Variants in KATNAL1 observed in about 807,000 individuals in gnomAD.
KATNAL1 encodes katanin p60 ATPase-containing subunit A-like 1.
In KATNAL1, 32 loss-of-function variants were observed where a neutral mutation model predicts 55.2. The ratio of observed to expected loss-of-function variants is 0.58; its 90% CI spans 0.44 to 0.78. The LOEUF (loss-of-function observed/expected upper bound fraction) is 0.78. Ranked by LOEUF, KATNAL1 falls within the 30% of genes least tolerant of loss-of-function variation. The probability of loss-of-function intolerance (pLI) is 0.00; values close to 1 mark genes in which losing one functional copy is unlikely to be tolerated. For missense variants in KATNAL1, 466 were observed against 600.9 expected, an observed-to-expected ratio of 0.78 and a Z score of 2.35; for synonymous variants, 193 against 193.6, an observed-to-expected ratio of 1.00 and a Z score of 0.02.
At chr13:30,298,417 T>G (rs989472509) in intron 1 of KATNAL1, among the ~76,000 whole-genome samples, 1 of 152,146 alleles carries the variant, frequency 6.6e-6, no homozygotes, top group Non-Finnish European at 1.5e-5. Flanking sequence ...CAGTTCTCCA[T>G]AGCGCACTTC....
intron 6 of KATNAL1, among the ~76,000 whole-genome samples, chr13:30,236,336 T>G (rs1876679990): frequency 6.6e-6 from 1 of 152,176 alleles, no homozygotes. Context: ...TGTGGAAAAC[T>G]GTGCTCTCAA....
intron 3 of KATNAL1, among the ~76,000 whole-genome samples, chr13:30,267,996 G>A (rs966145828): frequency 1.3e-5 from 2 of 152,182 alleles, no homozygotes; most frequent in African/African-American, 4.8e-5. Context: ...TTTAAAGACA[G>A]AAGAAATAAA....
intron 1 of KATNAL1, among the ~76,000 whole-genome samples, chr13:30,299,646 A>C (rs1882740739): frequency 6.6e-6 from 1 of 152,330 alleles, no homozygotes; most frequent in South Asian, 2.1e-4. Flanking sequence ...TATTTTAGCA[A>C]TGTCTAATAT....
intron 1 of KATNAL1, among the ~76,000 whole-genome samples, chr13:30,285,154 A>G (rs939634296): frequency 2.6e-5 from 4 of 152,198 alleles, no homozygotes; most frequent in African/African-American, 9.6e-5. Context: ...AAAGGACTCC[A>G]ACACATTTTT....
At position 30,204,972 on chromosome 13, in the gene KATNAL1, T is replaced by C. The variant is rs551838125; in HGVS notation, c.*3568A>G. On this transcript the variant is annotated 3_prime_UTR_variant, in exon 11 of 11. Transcript: ENST00000380615. ...ATTAAAGAGGTGTTTATTTTACTAA[T>C]ATTAATTTCCTTTAAAAAAAGAAAT... 2 of 152,188 alleles carry C rather than the reference T, an allele frequency of 1.3e-5. No individual in the cohort carries two copies. The highest frequency in any genetic ancestry group is 2.9e-5 in the Non-Finnish European group (2 of 68,028). The allele number at this position is 152,188 out of a possible 1,614,324, so 9.4% of individuals were successfully genotyped here.
intron 9 of KATNAL1, among the ~76,000 whole-genome samples, chr13:30,213,218 ACCAGGAAG>A (rs1258451643): frequency 6.6e-6 from 1 of 152,154 alleles, no homozygotes; most frequent in African/African-American, 2.4e-5. Context: ...CCAAGACTAA[ACCAGGAAG>A]AAGTTGAATC....
At chr13:30,232,073 T>C (rs1446288877) in intron 6 of KATNAL1, among the ~76,000 whole-genome samples, 2 of 152,262 alleles carry the variant, frequency 1.3e-5, no homozygotes, top group African/African-American at 2.4e-5. Flanking sequence ...AAAGAACCAG[T>C]ACAGAATAAA....
intron 6 of KATNAL1, among the ~76,000 whole-genome samples, chr13:30,238,018 A>T (rs2137415750): frequency 6.6e-6 from 1 of 152,278 alleles, no homozygotes; most frequent in Admixed American, 6.5e-5. Flanking sequence ...TTTAAGCCTA[A>T]ACTACTGCCA....
chr13:30,209,990 G>A (rs1407169297), intron 10 of KATNAL1, among the ~76,000 whole-genome samples: 1 of 151,946 alleles, frequency 6.6e-6, no homozygotes, highest in African/African-American at 2.4e-5. Flanking sequence ...CACCGTGTTA[G>A]CCAGGATGGT....
chr13:30,292,022 C>T lies in KATNAL1; in HGVS notation c.-14-8231G>A, dbSNP rs1222143772. 5.9e-5 allele frequency among the ~76,000 whole-genome samples: 9 copies of T among 151,802 alleles called. 1 individual carries two copies. The highest frequency in any genetic ancestry group is 7.4e-5 in the Non-Finnish European group (5 of 67,978). On this transcript the variant is annotated intron_variant, in intron 1 of 10. Transcript: ENST00000380615. Reference sequence around the variant, plus strand: ...TGCACTCCAGCCAAGGCAACAAGAGCGAAACTCCATCTCAAAAAAAAATAA... The same window carrying T: ...TGCACTCCAGCCAAGGCAACAAGAGTGAAACTCCATCTCAAAAAAAAATAA...
At chr13:30,255,767 T>C (rs992340733) in intron 3 of KATNAL1, 152 bp from the exon 4 acceptor site, 28 of 634,878 alleles carry the variant, frequency 4.4e-5, no homozygotes, top group Non-Finnish European at 6.0e-5. Flanking sequence ...CCACAACTAT[T>C]AGGTTAGTTT....
At chr13:30,268,072 A>G (rs1879919971) in intron 3 of KATNAL1, among the ~76,000 whole-genome samples, 1 of 152,216 alleles carries the variant, frequency 6.6e-6, no homozygotes, top group Admixed American at 6.5e-5. Flanking sequence ...CCCCCTAGAT[A>G]TAGTAGCAAA....
intron 9 of KATNAL1, among the ~76,000 whole-genome samples, chr13:30,214,951 C>T (rs1346351013): frequency 3.3e-5 from 5 of 152,020 alleles, no homozygotes; most frequent in Non-Finnish European, 7.4e-5. Context: ...AGAGCTTCTG[C>T]ACAGCAAAAG....
intron 9 of KATNAL1, among the ~76,000 whole-genome samples, chr13:30,220,820 C>G (rs562526957): frequency 3.9e-5 from 6 of 151,916 alleles, no homozygotes; most frequent in Non-Finnish European, 7.4e-5. Flanking sequence ...CTGCCTCAGC[C>G]GCCTGAGTAG....
In KATNAL1 at chr13:30,209,459, G is replaced by A. The variant is rs115954928; in HGVS notation, c.1275-721C>T. Among the ~76,000 whole-genome samples, 458 of 152,272 alleles carry A rather than the reference G, an allele frequency of 3.0e-3. 4 individuals are homozygous for A. Among genetic ancestry groups the A allele is most frequent in the African/African-American group, 1.0e-2 (415 of 41,550 alleles). On this transcript the variant is annotated intron_variant, in intron 10 of 10. Transcript: ENST00000380615. ...ACTTGGATGCACATGGGAAAAATGC[G>A]AGCAGAAAAGGTGAGAAAAACAGAT...
intron 1 of KATNAL1, among the ~76,000 whole-genome samples, chr13:30,290,881 GA>G (rs765291995): frequency 1.3e-5 from 2 of 152,098 alleles, no homozygotes; most frequent in African/African-American, 4.8e-5. Flanking sequence ...AATAGATACA[GA>G]AAATGTATTT....
chr13:30,289,305 C>T (rs567325118), intron 1 of KATNAL1, among the ~76,000 whole-genome samples: 1 of 152,312 alleles, frequency 6.6e-6, no homozygotes, highest in South Asian at 2.1e-4. Flanking sequence ...TTGAGCAACT[C>T]TTCTTGCCAA....
In KATNAL1 at chr13:30,270,928, A is replaced by T. The variant is rs532540803; in HGVS notation, c.323+9135T>A. ...ATCAATAAACAAAAAATAATAAAAT[A>T]AAAAAAAAAAAAGAAAAATAAAGCT... On this transcript the variant is annotated intron_variant, in intron 3 of 10. Transcript: ENST00000380615. Among the ~76,000 whole-genome samples, 636 of 136,256 alleles carry T rather than the reference A, an allele frequency of 4.7e-3. 8 individuals carry two copies. Among genetic ancestry groups the T allele is most frequent in the African/African-American group, 0.019 (607 of 31,818 alleles). The allele number at this position is 136,256 out of a possible 152,430, so 89.4% of individuals were successfully genotyped here.
intron 4 of KATNAL1, among the ~76,000 whole-genome samples, chr13:30,255,065 T>A (rs1246761698): frequency 6.6e-6 from 1 of 152,222 alleles, no homozygotes; most frequent in Non-Finnish European, 1.5e-5. Context: ...GTAAATCATA[T>A]CCCTCATCTT....
Sources: allele counts gnomAD v4.1 joint callset (sites outside exome capture counted in the v4.1 genomes callset), GRCh38; gene constraint gnomAD v4.1.1; transcripts MANE v1.5; gene names NCBI Gene and HGNC (gene_info 2026-07-23, HGNC 2026-07-21).